ADAMTS3: variants seen among roughly 807,000 people sequenced by gnomAD.
ADAMTS3 encodes the protein A disintegrin and metalloproteinase with thrombospondin motifs 3.
ADAMTS3 carries 73 observed loss-of-function variants against 129.0 expected under a neutral mutation model. The observed-to-expected ratio is 0.57, with a 90% CI of 0.47 to 0.69. The LOEUF is 0.69. Ranked by LOEUF, ADAMTS3 falls within the 30% of genes least tolerant of loss-of-function variation. The probability of loss-of-function intolerance (pLI) is 0.00; values close to 1 mark genes in which losing one functional copy is unlikely to be tolerated. For synonymous variants in ADAMTS3, 477 were observed against 510.8 expected (o/e 0.93, Z 0.89); for missense variants, 1,457 against 1,514.5 (o/e 0.96, Z 0.63).
intron 4 of ADAMTS3, among the ~76,000 whole-genome samples, chr4:72,344,328 C>A (rs1016650450): frequency 6.6e-6 from 1 of 151,950 alleles, no homozygotes; most frequent in Non-Finnish European, 1.5e-5. Context: ...GCTCCCTACC[C>A]CAGAAAAAAA....
At chr4:72,504,347 T>C (rs934916434) in intron 3 of ADAMTS3, among the ~76,000 whole-genome samples, 2 of 152,222 alleles carry the variant, frequency 1.3e-5, no homozygotes, top group African/African-American at 4.8e-5. Context: ...TGGTGAAATA[T>C]GAAATTCTTG....
chr4:72,295,771 T>G lies in ADAMTS3; in HGVS notation c.2606A>C (p.Lys869Thr), dbSNP rs1718790330. ...KPCGGGFQYTKYGCRRKSDNK... is the reference protein window; with the variant it reads ...KPCGGGFQYTTYGCRRKSDNK... The stretch of plus-strand genomic sequence containing the variant: ...ATCACTTTTCCTACGGCATCCATAT[T>G]TAGTGTACTGGAAACCTGGAAAAGG... Residue 869 changes from lysine to threonine, a missense_variant, in exon 19 of 22, where the codon AAA becomes ACA. Physicochemically the swap from Lys to Thr is moderately conservative, Grantham distance 78. Coordinates refer to ENST00000286657, the MANE Select transcript of ADAMTS3 (RefSeq NM_014243.3). 1 of 1,612,208 alleles carries G rather than the reference T, an allele frequency of 6.2e-7. No individual in the cohort carries two copies. Among genetic ancestry groups the G allele is most frequent in the African/African-American group, 1.3e-5 (1 of 74,842 alleles).
chr4:72,329,497 AG>A (rs1480504238), intron 5 of ADAMTS3, among the ~76,000 whole-genome samples: 2 of 152,344 alleles, frequency 1.3e-5, no homozygotes, highest in African/African-American at 4.8e-5. Context: ...AGACCAAGAG[AG>A]GACACACAGT....
intron 3 of ADAMTS3, among the ~76,000 whole-genome samples, chr4:72,502,895 G>A (rs1335992745): frequency 1.3e-5 from 2 of 152,002 alleles, no homozygotes; most frequent in Non-Finnish European, 2.9e-5. Context: ...ACAGGCTCTG[G>A]TGTGTGATGT....
chr4:72,548,000 T>C (rs908155388), intron 3 of ADAMTS3, among the ~76,000 whole-genome samples: 2 of 152,166 alleles, frequency 1.3e-5, no homozygotes, highest in Non-Finnish European at 2.9e-5. Flanking sequence ...TTTGGACAAA[T>C]TCTGACAGAG....
At position 72,569,037 on chromosome 4, in the gene ADAMTS3, G is replaced by A. The variant is rs1722096412; in HGVS notation, c.-275C>T. On this transcript the variant is annotated 5_prime_UTR_variant, in exon 1 of 22. Coordinates refer to ENST00000286657, the MANE Select transcript of ADAMTS3 (RefSeq NM_014243.3). Reference sequence around the variant, plus strand: ...GAGAAGGTGCTGTAAGCGGGCACAGGCTAAGCCTGGGAGAGGGGGAAGGGA... The same window carrying A: ...GAGAAGGTGCTGTAAGCGGGCACAGACTAAGCCTGGGAGAGGGGGAAGGGA... 13 of 513,294 alleles carry A rather than the reference G, an allele frequency of 2.5e-5. No individual in the cohort carries two copies. The highest frequency in any genetic ancestry group is 1.4e-5 in the Non-Finnish European group (4 of 289,034). The allele number at this position is 513,294 out of a possible 1,614,324, so 31.8% of individuals were successfully genotyped here.
At chr4:72,296,064 C>A (rs535892981) in intron 18 of ADAMTS3, among the ~76,000 whole-genome samples, 1 of 151,712 alleles carries the variant, frequency 6.6e-6, no homozygotes, top group Non-Finnish European at 1.5e-5. Context: ...GAGGTAGATA[C>A]GAAAACCACT....
intron 3 of ADAMTS3, among the ~76,000 whole-genome samples, chr4:72,455,494 C>T (rs765769281): frequency 1.2e-4 from 18 of 150,526 alleles, no homozygotes; most frequent in African/African-American, 3.9e-4. Flanking sequence ...ACTATGGGAG[C>T]GATAGCATTA....
chr4:72,521,589 T>G (rs1720672801), intron 3 of ADAMTS3, among the ~76,000 whole-genome samples: 1 of 152,192 alleles, frequency 6.6e-6, no homozygotes, highest in Non-Finnish European at 1.5e-5. Flanking sequence ...TTGTGAAAGC[T>G]AGACTTATTT....
At chr4:72,352,444 C>T (rs1033008259) in intron 4 of ADAMTS3, among the ~76,000 whole-genome samples, 2 of 152,046 alleles carry the variant, frequency 1.3e-5, no homozygotes, top group Admixed American at 6.6e-5. Flanking sequence ...AGGTTTATTA[C>T]CTCCTTCCTG....
At chr4:72,561,208 C>T (rs752421221) in intron 2 of ADAMTS3, among the ~76,000 whole-genome samples, 4 of 151,996 alleles carry the variant, frequency 2.6e-5, no homozygotes, top group African/African-American at 4.8e-5. Context: ...AATTAGCCGG[C>T]GTGGTAGTAT....
At chr4:72,478,825 G>C (rs78590165) in intron 3 of ADAMTS3, among the ~76,000 whole-genome samples, 2 of 151,940 alleles carry the variant, frequency 1.3e-5, no homozygotes, top group African/African-American at 2.4e-5. Flanking sequence ...TCCTTAAGCT[G>C]ATAAGCAACT....
intron 3 of ADAMTS3, among the ~76,000 whole-genome samples, chr4:72,507,853 T>A (rs982000881): frequency 1.3e-5 from 2 of 152,226 alleles, no homozygotes; most frequent in Non-Finnish European, 2.9e-5. Flanking sequence ...AATCTCCTGT[T>A]ATGAATATCC....
intron 5 of ADAMTS3, among the ~76,000 whole-genome samples, chr4:72,333,905 A>G (rs1477548961): frequency 8.7e-6 from 1 of 115,170 alleles, no homozygotes; most frequent in Non-Finnish European, 1.6e-5. Flanking sequence ...GCTGGAGTGC[A>G]GTGGCGCGAT....
chr4:72,415,784 C>T (rs1028198479), intron 3 of ADAMTS3, among the ~76,000 whole-genome samples: 2 of 151,792 alleles, frequency 1.3e-5, no homozygotes, highest in African/African-American at 2.4e-5. Flanking sequence ...TTCTAAAATG[C>T]GATATTTCTT....
At chr4:72,447,020 A>G (rs1340110459) in intron 3 of ADAMTS3, among the ~76,000 whole-genome samples, 1 of 151,718 alleles carries the variant, frequency 6.6e-6, no homozygotes, top group Non-Finnish European at 1.5e-5. Context: ...CAATACAGTA[A>G]ATACAATAAA....
chr4:72,507,882 C>T (rs1041050611), intron 3 of ADAMTS3, among the ~76,000 whole-genome samples: 1 of 152,158 alleles, frequency 6.6e-6, no homozygotes, highest in East Asian at 1.9e-4. Flanking sequence ...GTCAAATGTC[C>T]TTTTTTGACT....
Position 72,282,094 on chromosome 4 carries a change from T to C in ADAMTS3, c.*1042A>G, listed in dbSNP as rs926804940. 4 of 152,202 alleles carry C rather than the reference T, an allele frequency of 2.6e-5. No individual in the cohort carries two copies. The highest frequency in any genetic ancestry group is 5.9e-5 in the Non-Finnish European group (4 of 68,028). The allele number at this position is 152,202 out of a possible 1,614,324, so 9.4% of individuals were successfully genotyped here. ...TACTCAAATATCAATTCTAGACTGA[T>C]GATATTTTTCTCAGCTACCAACATA... On this transcript the variant is annotated 3_prime_UTR_variant, in exon 22 of 22. Transcript: ENST00000286657.
chr4:72,315,668 T>G (rs1719373904), intron 11 of ADAMTS3, among the ~76,000 whole-genome samples, 190 bp downstream of exon 11: 1 of 152,164 alleles, frequency 6.6e-6, no homozygotes, highest in African/African-American at 2.4e-5. Flanking sequence ...AGCCAACAAG[T>G]TTGTGAAAAT....
Sources: gnomAD v4.1 joint callset for allele counts (sites outside exome capture counted in the v4.1 genomes callset) on GRCh38, gnomAD v4.1.1 for gene constraint, MANE v1.5 for transcripts, NCBI Gene and HGNC (gene_info 2026-07-23, HGNC 2026-07-21) for gene names.